Variants in PTPN21 observed in about 807,000 individuals in gnomAD.
PTPN21 encodes tyrosine-protein phosphatase non-receptor type 21.
Under a neutral mutation model 131.8 loss-of-function variants are expected in PTPN21, and 77 were observed. That is an observed-to-expected ratio of 0.58 (90% CI 0.49 to 0.71). The LOEUF (loss-of-function observed/expected upper bound fraction) is 0.71. PTPN21 is among the 30% of genes least tolerant of loss of function. The pLI, the probability that PTPN21 is intolerant of heterozygous loss-of-function variation, is 0.00. For missense variants in PTPN21, 1,552 were observed against 1,527.1 expected, an observed-to-expected ratio of 1.02 and a Z score of -0.27; for synonymous variants, 715 against 621.3, an observed-to-expected ratio of 1.15 and a Z score of -2.24.
At chr14:88,499,687 C>A (rs1347733614) in intron 8 of PTPN21, among the ~76,000 whole-genome samples, 1 of 152,148 alleles carries the variant, frequency 6.6e-6, no homozygotes, top group African/African-American at 2.4e-5. Context: ...TTATCTGACT[C>A]ATGATAAGCA....
At chr14:88,501,129 A>T (rs1595373954) in intron 7 of PTPN21, 152 bp downstream of exon 7, 2 of 754,490 alleles carry the variant, frequency 2.7e-6, no homozygotes, top group Non-Finnish European at 4.5e-6. Flanking sequence ...GTTTTACCAC[A>T]AAACTTTGGT....
At chr14:88,504,651 C>T (rs903274321) in intron 5 of PTPN21, among the ~76,000 whole-genome samples, 156 bp from the exon 6 acceptor site, 1 of 151,818 alleles carries the variant, frequency 6.6e-6, no homozygotes, top group African/African-American at 2.4e-5. Context: ...AATCATCTTT[C>T]TAAGGAATTA....
intron 2 of PTPN21, among the ~76,000 whole-genome samples, chr14:88,541,219 A>C (rs1324154527): frequency 6.6e-6 from 1 of 152,200 alleles, no homozygotes; most frequent in East Asian, 1.9e-4. Flanking sequence ...TGTGACATAC[A>C]CAGTTTCTTC....
intron 3 of PTPN21, among the ~76,000 whole-genome samples, chr14:88,510,100 A>G (rs2078154243): frequency 6.6e-6 from 1 of 152,186 alleles, no homozygotes; most frequent in Non-Finnish European, 1.5e-5. Context: ...GCCTTCCACA[A>G]AAATATTTTT....
rs536650322 is a variant in PTPN21 at position 88,493,746 on chromosome 14, T to TGCAACATTTCGGGTCTCA, written c.932+2649_932+2666dup. ...TTAAAGAAAGGTTGTGGGAATTGAG[T>TGCAACATTTCGGGTCTCA]GCAACATTTCGGGTCTCAGCTTAGA... is the stretch of plus-strand genomic sequence containing the variant. On this transcript the variant is annotated intron_variant, in intron 10 of 18. Transcript: ENST00000556564. Among the ~76,000 whole-genome samples, 275 of 152,240 alleles carry TGCAACATTTCGGGTCTCA rather than the reference T, an allele frequency of 1.8e-3. 1 individual carries two copies. Among genetic ancestry groups the TGCAACATTTCGGGTCTCA allele is most frequent in the Non-Finnish European group, 2.9e-3 (198 of 68,004 alleles).
chr14:88,518,457 T>G (rs1264173235), intron 2 of PTPN21, among the ~76,000 whole-genome samples: 166 of 100,060 alleles, frequency 1.7e-3, no homozygotes, highest in African/African-American at 5.0e-3. Context: ...TTGAGATAGA[T>G]TCTCACTCTG....
intron 2 of PTPN21, among the ~76,000 whole-genome samples, chr14:88,547,155 T>C (rs1392593945): frequency 1.3e-5 from 2 of 152,118 alleles, no homozygotes; most frequent in Admixed American, 1.3e-4. Flanking sequence ...GTGGGTTCAG[T>C]TCTCCCTGTA....
intron 3 of PTPN21, among the ~76,000 whole-genome samples, chr14:88,510,138 G>T (rs918718770): frequency 3.9e-5 from 6 of 152,154 alleles, no homozygotes; most frequent in African/African-American, 1.4e-4. Context: ...TATGAGAATT[G>T]ACTCTTCCAT....
chr14:88,506,524 C>G (rs979215544), intron 4 of PTPN21, among the ~76,000 whole-genome samples: 1 of 152,080 alleles, frequency 6.6e-6, no homozygotes, highest in Non-Finnish European at 1.5e-5. Context: ...GCAATCCTCC[C>G]ACATTGGCCT....
At chr14:88,505,453 T>C in intron 4 of PTPN21, 82 bp from the exon 5 acceptor site, 1 of 867,462 alleles carries the variant, frequency 1.2e-6, no homozygotes, top group South Asian at 1.8e-5. Context: ...ATACGCAGTA[T>C]ATCTAGATGG....
chr14:88,479,654 C>T lies in PTPN21; in HGVS notation c.1777G>A (p.Asp593Asn), dbSNP rs1329942367. Residue 593 changes from aspartate to asparagine, a missense_variant, in exon 13 of 19, where the codon GAC becomes AAC. Physicochemically the swap from Asp to Asn is conservative, Grantham distance 23 (BLOSUM62 1). Coordinates refer to ENST00000556564, the MANE Select transcript of PTPN21 (RefSeq NM_007039.4). ...TGGTGCACGCGCCGCGTGATGAGGT[C>T]GGGGTTGCTGCTGCTGATGTAAAGG... ...RHLYISSSNP[D>N]LITRRVHHSV... 3.1e-6 allele frequency: 4 copies of T among 1,271,882 alleles called. No individual in the cohort carries two copies. The highest frequency in any genetic ancestry group is 3.0e-6 in the Non-Finnish European group (3 of 989,370). 78.8% of individuals were successfully genotyped at this position (1,271,882 alleles called of 1,614,324 possible). A position where few individuals can be genotyped will look rare whatever the true frequency, so the allele number is the denominator to read the frequency against.
intron 3 of PTPN21, 84 bp downstream of exon 3, chr14:88,517,008 C>G: frequency 6.7e-7 from 1 of 1,493,832 alleles, no homozygotes; most frequent in Non-Finnish European, 9.1e-7. Context: ...AAGTTTCAAA[C>G]TTATCTTCTG....
chr14:88,501,057 G>A (rs2078000734), intron 7 of PTPN21, 186 bp from the exon 8 acceptor site: 1 of 636,252 alleles, frequency 1.6e-6, no homozygotes, highest in African/African-American at 1.8e-5. Context: ...GAAAAAGTTT[G>A]GCCCTCCTTA....
chr14:88,475,085 C>T (rs548886970), intron 13 of PTPN21, among the ~76,000 whole-genome samples: 161 of 151,448 alleles, frequency 1.1e-3, no homozygotes, highest in Non-Finnish European at 2.1e-3. Flanking sequence ...AGTGAGACTC[C>T]GTCTCCAAAA....
Position 88,479,461 on chromosome 14 carries a change from AG to A in PTPN21, c.1969del (p.Leu657TyrfsTer37). The A allele has an allele frequency of 6.2e-7, 1 of 1,602,112 alleles. No individual in the cohort carries two copies. Among genetic ancestry groups the A allele is most frequent in the Non-Finnish European group, 8.5e-7 (1 of 1,178,816 alleles). On this transcript the variant is annotated frameshift_variant, in exon 13 of 19. Transcript: ENST00000556564. LOFTEE classifies it high-confidence loss of function. ...LEGLRLKERTLSASAAEVAPR... is the reference protein window; with the variant it reads ...LEGLRLKERTXSASAAEVAPR... ...CGCCACCTCTGCCGCCGACGCGGAT[AG>A]GGTGCGCTCCTTGAGCCGCAGGCCC...
At chr14:88,535,435 G>A (rs1023750544) in intron 2 of PTPN21, among the ~76,000 whole-genome samples, 2 of 152,096 alleles carry the variant, frequency 1.3e-5, no homozygotes, top group East Asian at 3.9e-4. Flanking sequence ...CAAAAGGCTC[G>A]GCCTTTGAGT....
At chr14:88,498,266 ACT>A (rs1002068641) in intron 8 of PTPN21, among the ~76,000 whole-genome samples, 70 of 151,810 alleles carry the variant, frequency 4.6e-4, no homozygotes, top group Middle Eastern at 3.4e-3. Flanking sequence ...ACAGAACGAG[ACT>A]CTGTCTCAAA....
In PTPN21 at chr14:88,467,345, C is replaced by CAA. The variant is rs1449025244; in HGVS notation, c.*791_*792insTT. The stretch of plus-strand genomic sequence containing the variant: ...CATTTTCAACCAATAAAATCAAATT[C>CAA]ATTTAGATCTATGAATAATACTGAA... On this transcript the variant is annotated 3_prime_UTR_variant, in exon 19 of 19. Transcript: ENST00000556564. The CAA allele has an allele frequency of 6.6e-6, 1 of 152,184 alleles. No homozygotes were observed. The highest frequency in any genetic ancestry group is 1.9e-4 in the East Asian group (1 of 5,200). 9.4% of individuals were successfully genotyped at this position (152,184 alleles called of 1,614,324 possible). A position where few individuals can be genotyped will look rare whatever the true frequency, so the allele number is the denominator to read the frequency against.
intron 13 of PTPN21, among the ~76,000 whole-genome samples, chr14:88,474,621 G>A (rs1276231953): frequency 6.6e-6 from 1 of 151,896 alleles, no homozygotes; most frequent in Admixed American, 6.6e-5. Context: ...TAGATGACCC[G>A]GGTTAGATCA....
Sources: gnomAD v4.1 joint callset for allele counts (sites outside exome capture counted in the v4.1 genomes callset) on GRCh38, gnomAD v4.1.1 for gene constraint, MANE v1.5 for transcripts, NCBI Gene and HGNC (gene_info 2026-07-23, HGNC 2026-07-21) for gene names.